The following GATA5 variants were observed in gnomAD, a reference collection of about 807,000 sequenced individuals.
GATA5 encodes the protein transcription factor GATA-5.
In GATA5, 27 loss-of-function variants were observed where a neutral mutation model predicts 35.0. The observed-to-expected ratio is 0.77, with a 90% confidence interval of 0.57 to 1.06. GATA5 has a LOEUF of 1.06. GATA5 is among the 50% of genes least tolerant of loss of function. The probability of loss-of-function intolerance (pLI) is 0.00; values close to 1 mark genes in which losing one functional copy is unlikely to be tolerated. For missense variants in GATA5, 612 were observed against 580.0 expected (o/e 1.06, Z -0.57); for synonymous variants, 306 against 267.8 (o/e 1.14, Z -1.39).
chr20:62,475,141 C>T lies in GATA5; in HGVS notation c.381G>A (p.Ala127=), dbSNP rs782029132. ...TCCCCACCGGCCGCCCAAGCGGGGC[C>T]GCGAACTGTTCTCGAGGCAACAGCG... ...QGALLPREQF[A]APLGRPVGTS... is the part of the protein sequence containing the mutation. The change falls in exon 2 of 7, where the codon GCG becomes GCA. Residue 127 remains alanine (A), a synonymous_variant. Transcript: ENST00000252997. The T allele has an allele frequency of 1.1e-5, 15 of 1,357,912 alleles. No homozygotes were observed. The highest frequency in any genetic ancestry group is 2.0e-4 in the Middle Eastern group (1 of 4,978). 84.1% of individuals were successfully genotyped at this position (1,357,912 alleles called of 1,614,324 possible). A position where few individuals can be genotyped will look rare whatever the true frequency, so the allele number is the denominator to read the frequency against.
Position 62,465,931 on chromosome 20 carries a change from G to T in GATA5, c.826-10C>A. 1.9e-6 allele frequency: 3 copies of T among 1,569,138 alleles called. No homozygotes were observed. The South Asian group carries it at 3.5e-5, about 18-fold the overall frequency. ...CCAGAGGCCGCGGCACCTGGCAGGG[G>T]TGGCGAGGGTGGAGGCTGGTCCCAT... On this transcript the variant is annotated splice_polypyrimidine_tract_variant and intron_variant, in intron 4 of 6. Transcript: ENST00000252997.
chr20:62,465,784 C>T lies in GATA5; in HGVS notation c.913+50G>A, dbSNP rs1203275420. On this transcript the variant is annotated intron_variant, in intron 5 of 6. Transcript: ENST00000252997. ...TCTCTCATGACGGAACTGGAGGCAC[C>T]GAAGGCCACTCCGCAGGAGCGGGGC... The T allele has an allele frequency of 9.9e-6, 14 of 1,420,160 alleles. 1 individual carries two copies. The highest frequency in any genetic ancestry group is 8.6e-5 in the South Asian group (7 of 81,718). 88.0% of individuals were successfully genotyped at this position (1,420,160 alleles called of 1,614,324 possible). A position where few individuals can be genotyped will look rare whatever the true frequency, so the allele number is the denominator to read the frequency against.
chr20:62,465,795 C>A lies in GATA5; in HGVS notation c.913+39G>T, dbSNP rs551857796. The stretch of plus-strand genomic sequence containing the variant: ...GGAACTGGAGGCACCGAAGGCCACT[C>A]CGCAGGAGCGGGGCTGACTGCAGGG... On this transcript the variant is annotated intron_variant, in intron 5 of 6. Coordinates refer to ENST00000252997, the MANE Select transcript of GATA5 (RefSeq NM_080473.5). 8.0e-6 allele frequency: 12 copies of A among 1,494,728 alleles called. No individual in the cohort carries two copies. In the African/African-American group the frequency reaches 1.4e-4, roughly 17 times the overall value. 92.6% of individuals were successfully genotyped at this position (1,494,728 alleles called of 1,614,324 possible).
Position 62,475,505 on chromosome 20 carries a change from G to C in GATA5, c.17C>G (p.Ala6Gly). 1 of 1,320,660 alleles carries C rather than the reference G, an allele frequency of 7.6e-7. No individual in the cohort carries two copies. The highest frequency in any genetic ancestry group is 9.6e-7 in the Non-Finnish European group (1 of 1,037,336). 81.8% of individuals were successfully genotyped at this position (1,320,660 alleles called of 1,614,324 possible). A position where few individuals can be genotyped will look rare whatever the true frequency, so the allele number is the denominator to read the frequency against. The change falls in exon 2 of 7, where the codon GCG becomes GGG. Residue 6 changes from alanine to glycine, a missense_variant. Physicochemically the swap from Ala to Gly is moderately conservative, Grantham distance 60. Transcript: ENST00000252997. ...GGCCTGGCGGGGGCTCGCGGCCAGC[G>C]CCAGGCTCTGGTACATCCTCCCAGG... is the stretch of plus-strand genomic sequence containing the variant. MYQSL[A>G]LAASPRQAAY...
At position 62,466,455 on chromosome 20, in the gene GATA5, C is replaced by G; in HGVS notation, c.796G>C (p.Ala266Pro). The G allele has an allele frequency of 6.3e-7, 1 of 1,584,698 alleles. No homozygotes were observed. The highest frequency in any genetic ancestry group is 8.6e-7 in the Non-Finnish European group (1 of 1,165,818). Residue 266 changes from alanine (A) to proline (P), a missense_variant, in exon 4 of 7, where the codon GCC becomes CCC. By Grantham distance (27) the Ala-to-Pro change is conservative. Coordinates refer to ENST00000252997, the MANE Select transcript of GATA5 (RefSeq NM_080473.5). The part of the protein sequence containing the change: ...RNSEGEPVCN[A>P]CGLYMKLHGV... ...TGCAGCTTCATGTAGAGGCCGCAGGCATTGCACACGGGCTCCCCCTCCGAG... is the reference window on the plus strand; with the variant it reads ...TGCAGCTTCATGTAGAGGCCGCAGGGATTGCACACGGGCTCCCCCTCCGAG...
rs556491278 is a variant in GATA5, at chr20:62,471,585, C to T, written c.699+1818G>A. On this transcript the variant is annotated intron_variant, in intron 3 of 6. Coordinates refer to ENST00000252997, the MANE Select transcript of GATA5 (RefSeq NM_080473.5). ...AGCTGGGACCATGGGTGTGTGCCAT[C>T]GTGACTGGCTAACTTTTAAATTTTT... Among the ~76,000 whole-genome samples the T allele has an allele frequency of 1.3e-4, 19 of 151,164 alleles. No individual in the cohort carries two copies. The South Asian group carries it at 1.5e-3, about 12-fold the overall frequency.
chr20:62,466,655 G>A (rs531163983), intron 3 of GATA5, 104 bp from the exon 4 acceptor site: 119 of 1,336,734 alleles, frequency 8.9e-5, no homozygotes, highest in South Asian at 3.9e-4. Flanking sequence ...CGCAGGACCC[G>A]GTGAGAAGGT....
At chr20:62,472,778 G>C (rs994279746) in intron 3 of GATA5, among the ~76,000 whole-genome samples, 2 of 152,200 alleles carry the variant, frequency 1.3e-5, no homozygotes, top group African/African-American at 4.8e-5. Context: ...CCCACTCCCT[G>C]CTCAGCCACA....
intron 3 of GATA5, 141 bp downstream of exon 3, chr20:62,473,262 C>G: frequency 1.1e-6 from 1 of 891,402 alleles, no homozygotes; most frequent in Non-Finnish European, 1.7e-6. Flanking sequence ...TGACCTGACC[C>G]ACCGGGGCGG....
Position 62,473,658 on chromosome 20 carries a change from T to A in GATA5, c.524-80A>T, listed in dbSNP as rs1989779295. On this transcript the variant is annotated intron_variant, in intron 2 of 6. Coordinates refer to ENST00000252997, the MANE Select transcript of GATA5 (RefSeq NM_080473.5). ...CAGCTCATGGGCCGGCACCCTCCCC[T>A]CCCCAGGAGCCTGGCGGCTTTCGTC... 2.9e-6 allele frequency: 4 copies of A among 1,371,004 alleles called. No homozygotes were observed. The South Asian group carries it at 4.2e-5, about 14-fold the overall frequency. The allele number at this position is 1,371,004 out of a possible 1,614,324, so 84.9% of individuals were successfully genotyped here. A position where few individuals can be genotyped will look rare whatever the true frequency, so the allele number is the denominator to read the frequency against.
intron 2 of GATA5, among the ~76,000 whole-genome samples, chr20:62,474,416 C>G (rs1430447054): frequency 6.6e-6 from 1 of 152,230 alleles, no homozygotes; most frequent in African/African-American, 2.4e-5. Flanking sequence ...GGCGGGGTCC[C>G]AAAGGCAGCT....
intron 4 of GATA5, 49 bp from the exon 5 acceptor site, chr20:62,465,970 G>T: frequency 7.4e-7 from 1 of 1,354,334 alleles, no homozygotes; most frequent in East Asian, 2.5e-5. Context: ...TGCTCACCCC[G>T]GGCCCCTTGC....
chr20:62,465,911 G>T lies in GATA5; in HGVS notation c.836C>A (p.Pro279His). The T allele has an allele frequency of 1.3e-6, 2 of 1,590,914 alleles. No individual in the cohort carries two copies. The highest frequency in any genetic ancestry group is 4.6e-5 in the East Asian group (2 of 43,924). Residue 279 changes from proline to histidine, a missense_variant, in exon 5 of 7, where the codon CCT becomes CAT. Pro to His is a moderately conservative substitution (Grantham distance 77, BLOSUM62 -2). Transcript: ENST00000252997. ...GATGCTTTCCTTCTTCATAGCCAGA[G>T]GCCGCGGCACCTGGCAGGGGTGGCG... ...LYMKLHGVPR[P>H]LAMKKESIQT...
At chr20:62,466,373 C>T (rs1312838478) in intron 4 of GATA5, 53 bp downstream of exon 4, 39 of 1,522,318 alleles carry the variant, frequency 2.6e-5, no homozygotes, top group Non-Finnish European at 3.4e-5. Flanking sequence ...GGACGGCGCT[C>T]GCTAGGAGGC....
chr20:62,475,412 G>T lies in GATA5; in HGVS notation c.110C>A (p.Ala37Glu). ...GAGSPMFVPP[A>E]RVPSMLSYLS... is the part of the protein sequence containing the mutation. ...GTAGGACAGCATCGAGGGGACGCGC[G>T]CCGGCGGCACAAACATCGGAGAGCC... The change falls in exon 2 of 7, where the codon GCG becomes GAG. Residue 37 changes from alanine to glutamate, a missense_variant. Coordinates refer to ENST00000252997, the MANE Select transcript of GATA5 (RefSeq NM_080473.5). 1 of 1,356,768 alleles carries T rather than the reference G, an allele frequency of 7.4e-7. No individual in the cohort carries two copies. The highest frequency in any genetic ancestry group is 1.9e-5 in the South Asian group (1 of 53,874). The allele number at this position is 1,356,768 out of a possible 1,614,324, so 84.0% of individuals were successfully genotyped here. A position where few individuals can be genotyped will look rare whatever the true frequency, so the allele number is the denominator to read the frequency against.
At chr20:62,468,449 C>T (rs1344253988) in intron 3 of GATA5, among the ~76,000 whole-genome samples, 2 of 152,218 alleles carry the variant, frequency 1.3e-5, no homozygotes, top group African/African-American at 4.8e-5. Flanking sequence ...AGAGTGGGGG[C>T]CTCCCTGCAG....
Position 62,475,487 on chromosome 20 carries a change from C to A in GATA5, c.35G>T (p.Arg12Leu), listed in dbSNP as rs782050292. 3.0e-6 allele frequency: 4 copies of A among 1,320,564 alleles called. No individual in the cohort carries two copies. In the Admixed American group the frequency reaches 1.4e-4, roughly 45 times the overall value. The allele number at this position is 1,320,564 out of a possible 1,614,324, so 81.8% of individuals were successfully genotyped here. A position where few individuals can be genotyped will look rare whatever the true frequency, so the allele number is the denominator to read the frequency against. ...GCCCGAGTCGGCGTAGGCGGCCTGG[C>A]GGGGGCTCGCGGCCAGCGCCAGGCT... Reference protein sequence around the residue: ...YQSLALAASPRQAAYADSGSF... With the variant: ...YQSLALAASPLQAAYADSGSF... The change falls in exon 2 of 7, where the codon CGC (arginine) becomes CTC (leucine). Residue 12 changes from arginine (R) to leucine (L), a missense_variant. Physicochemically the swap from Arg to Leu is moderately radical, Grantham distance 102. Transcript: ENST00000252997.
intron 3 of GATA5, 57 bp from the exon 4 acceptor site, chr20:62,466,608 G>A: frequency 1.3e-6 from 2 of 1,518,776 alleles, no homozygotes; most frequent in Non-Finnish European, 1.8e-6. Context: ...GCTGGAGCAG[G>A]GGGACGGAAG....
chr20:62,465,327 C>G lies in GATA5; in HGVS notation c.1038+13G>C, dbSNP rs539272321. On this transcript the variant is annotated intron_variant, in intron 6 of 6. Coordinates refer to ENST00000252997, the MANE Select transcript of GATA5 (RefSeq NM_080473.5). ...CCCAGCTCTGGGCACCCCACCCCAG[C>G]CCACCCCCTTACCTGGGGGGCCATG... is the stretch of plus-strand genomic sequence containing the variant. 2 of 1,585,196 alleles carry G rather than the reference C, an allele frequency of 1.3e-6. No homozygotes were observed. The highest frequency in any genetic ancestry group is 8.5e-7 in the Non-Finnish European group (1 of 1,173,360).
Sources: gnomAD v4.1 joint callset for allele counts (sites outside exome capture counted in the v4.1 genomes callset) on GRCh38, gnomAD v4.1.1 for gene constraint, MANE v1.5 for transcripts, NCBI Gene and HGNC (gene_info 2026-07-23, HGNC 2026-07-21) for gene names.